ERBIN: variants seen among roughly 807,000 people sequenced by gnomAD.
ERBIN encodes densin-180-like protein.
In ERBIN, 60 loss-of-function variants were observed where a neutral mutation model predicts 158.4. The ratio of observed to expected loss-of-function variants is 0.38; its 90% CI spans 0.31 to 0.47. ERBIN has a LOEUF of 0.47. Among genes scored for constraint, ERBIN ranks in the 20% least tolerant of loss-of-function variants. The pLI is 0.99. For synonymous variants in ERBIN, 594 were observed against 557.2 expected, an observed-to-expected ratio of 1.07 and a Z score of -0.93; for missense variants, 1,610 against 1,648.0, an observed-to-expected ratio of 0.98 and a Z score of 0.40.
chr5:65,973,296 C>G (rs1487284283), intron 1 of ERBIN, among the ~76,000 whole-genome samples: 1 of 150,944 alleles, frequency 6.6e-6, no homozygotes, highest in Admixed American at 6.6e-5. Context: ...GAGATATACC[C>G]AATGTAAATG....
rs1451030667 is a variant in ERBIN at position 65,994,748 on chromosome 5, A to G, written c.191A>G (p.Gln64Arg). 1 of 1,562,358 alleles carries G rather than the reference A, an allele frequency of 6.4e-7. No homozygotes were observed. Among genetic ancestry groups the G allele is most frequent in the Non-Finnish European group, 8.7e-7 (1 of 1,152,346 alleles). ...DANQIEELPK[Q>R]LFNCQSLHKL... Reference sequence around the variant, plus strand: ...TTCTTTCCTCCCTTTTTTCAATAGCAACTTTTTAACTGTCAGTCTTTACAC... The same window carrying G: ...TTCTTTCCTCCCTTTTTTCAATAGCGACTTTTTAACTGTCAGTCTTTACAC... The change falls in exon 4 of 26, where the codon CAA (glutamine) becomes CGA (arginine). Residue 64 changes from glutamine (Q) to arginine (R), a missense_variant and splice_region_variant. Physicochemically the swap from Gln to Arg is conservative, Grantham distance 43. Around this residue, in one of 2 missense-constraint regions of ERBIN, gnomAD observed 596 missense variants for 711.9 expected, o/e 0.84. Coordinates refer to ENST00000284037, the MANE Select transcript of ERBIN (RefSeq NM_001253697.2).
Position 66,012,834 on chromosome 5 carries a change from G to A in ERBIN, c.386+707G>A, listed in dbSNP as rs1177527570. Reference sequence around the variant, plus strand: ...AAAAATAGAAGTAAAGCTAACACACGTAGGTTGTTACATGGCCCTAACGTC... The same window carrying A: ...AAAAATAGAAGTAAAGCTAACACACATAGGTTGTTACATGGCCCTAACGTC... On this transcript the variant is annotated intron_variant, in intron 5 of 25. Coordinates refer to ENST00000284037, the MANE Select transcript of ERBIN (RefSeq NM_001253697.2). Among the ~76,000 whole-genome samples the A allele has an allele frequency of 2.0e-5, 3 of 152,252 alleles. No individual in the cohort carries two copies. The South Asian group carries it at 6.2e-4, about 32-fold the overall frequency.
At chr5:66,071,397 C>A (rs941551952) in intron 21 of ERBIN, among the ~76,000 whole-genome samples, 4 of 151,948 alleles carry the variant, frequency 2.6e-5, no homozygotes, top group African/African-American at 9.7e-5. Flanking sequence ...AAGAAATATT[C>A]AGGGGTAATG....
intron 2 of ERBIN, among the ~76,000 whole-genome samples, chr5:65,989,941 C>A (rs769932265): frequency 3.9e-5 from 6 of 152,120 alleles, no homozygotes; most frequent in Non-Finnish European, 5.9e-5. Flanking sequence ...TTAAAATGAT[C>A]TCATAAGCAC....
In ERBIN at chr5:66,047,491, A is replaced by G. The variant is rs1243773832; in HGVS notation, c.1788+953A>G. Among the ~76,000 whole-genome samples, 5 of 152,204 alleles carry G rather than the reference A, an allele frequency of 3.3e-5. No homozygotes were observed. The South Asian group carries it at 6.2e-4, about 19-fold the overall frequency. On this transcript the variant is annotated intron_variant, in intron 18 of 25. Transcript: ENST00000284037. ...TTCATGAATGAAAAATGATTGCACC[A>G]TTTTATATTCCCTTCATACACTGCT...
Position 66,078,791 on chromosome 5 carries a change from T to C in ERBIN, c.*261T>C, listed in dbSNP as rs545326988. The C allele has an allele frequency of 7.5e-6, 3 of 400,294 alleles. No individual in the cohort carries two copies. In the South Asian group the frequency reaches 9.4e-5, roughly 13 times the overall value. The allele number at this position is 400,294 out of a possible 1,614,324, so 24.8% of individuals were successfully genotyped here. Reference sequence around the variant, plus strand: ...AATCAAGGCTACAAAAACAAACCTGTGTTGTTTTTGTATAGATTGTAGGTT... The same window carrying C: ...AATCAAGGCTACAAAAACAAACCTGCGTTGTTTTTGTATAGATTGTAGGTT... On this transcript the variant is annotated 3_prime_UTR_variant, in exon 26 of 26. Transcript: ENST00000284037.
At chr5:66,008,012 C>G (rs2151093190) in intron 4 of ERBIN, among the ~76,000 whole-genome samples, 1 of 152,306 alleles carries the variant, frequency 6.6e-6, no homozygotes, top group Admixed American at 6.5e-5. Flanking sequence ...AAAATTACTA[C>G]TATGTGTCTG....
intron 15 of ERBIN, among the ~76,000 whole-genome samples, chr5:66,042,308 T>C (rs1390779403): frequency 1.3e-5 from 2 of 152,110 alleles, no homozygotes; most frequent in African/African-American, 2.4e-5. Context: ...TTTTAAGCCT[T>C]ATGTATTTTT....
intron 23 of ERBIN, 69 bp from the exon 24 acceptor site, chr5:66,076,247 A>G: frequency 8.6e-7 from 1 of 1,160,092 alleles, no homozygotes; most frequent in Non-Finnish European, 1.3e-6. Context: ...TCAGTATTTA[A>G]ATATGGATGT....
chr5:66,047,142 T>C (rs1274591745), intron 18 of ERBIN, among the ~76,000 whole-genome samples: 1 of 152,084 alleles, frequency 6.6e-6, no homozygotes, highest in Non-Finnish European at 1.5e-5. Context: ...TTTATCCCCT[T>C]TGGCCCTAGG....
chr5:66,018,579 A>T (rs867276505), intron 7 of ERBIN, among the ~76,000 whole-genome samples: 789 of 37,784 alleles, frequency 0.021, 277 homozygotes, highest in African/African-American at 0.049. Context: ...ATATTATATA[A>T]TATATATTAT....
chr5:66,023,717 C>A (rs2151146548), intron 9 of ERBIN, among the ~76,000 whole-genome samples: 1 of 150,532 alleles, frequency 6.6e-6, no homozygotes, highest in Non-Finnish European at 1.5e-5. Context: ...GCTCTGTTGC[C>A]CAGGCTGGAG....
intron 1 of ERBIN, among the ~76,000 whole-genome samples, chr5:65,956,215 A>T (rs1580146366): frequency 6.6e-6 from 1 of 152,194 alleles, no homozygotes; most frequent in East Asian, 1.9e-4. Context: ...ATCTGGTGGT[A>T]GTTGGGGATT....
chr5:66,072,433 C>A, intron 22 of ERBIN, 142 bp downstream of exon 22: 1 of 808,172 alleles, frequency 1.2e-6, no homozygotes. Flanking sequence ...TTTAAAATAT[C>A]AGAAATACAA....
At chr5:66,029,665 C>T (rs544625934) in intron 14 of ERBIN, among the ~76,000 whole-genome samples, 34 of 152,216 alleles carry the variant, frequency 2.2e-4, no homozygotes, top group African/African-American at 5.8e-4. Context: ...AGTGCAGTGA[C>T]GTGACCTCAG....
At chr5:65,999,658 C>T (rs1752820127) in intron 4 of ERBIN, among the ~76,000 whole-genome samples, 1 of 152,160 alleles carries the variant, frequency 6.6e-6, no homozygotes, top group Non-Finnish European at 1.5e-5. Context: ...GAACAGTTTG[C>T]TCATGATTTT....
Position 66,054,215 on chromosome 5 carries a change from A to C in ERBIN, c.2897A>C (p.Gln966Pro). 1.2e-6 allele frequency: 2 copies of C among 1,614,148 alleles called. No individual in the cohort carries two copies. Among genetic ancestry groups the C allele is most frequent in the Non-Finnish European group, 1.7e-6 (2 of 1,180,022 alleles). ...NIIRGPTSGP[Q>P]SAPQIYGPPQ... is the part of the protein sequence containing the mutation. ...ATAAGAGGCCCCACAAGTGGCCCAC[A>C]ATCTGCACCTCAAATATATGGTCCT... Residue 966 changes from glutamine to proline, a missense_variant, in exon 21 of 26, where the codon CAA (glutamine) becomes CCA (proline). Transcript: ENST00000284037.
chr5:66,072,326 G>A lies in ERBIN; in HGVS notation c.3756+35G>A, dbSNP rs972401317. On this transcript the variant is annotated intron_variant, in intron 22 of 25. Coordinates refer to ENST00000284037, the MANE Select transcript of ERBIN (RefSeq NM_001253697.2). ...CGGGAAAACAAAATGTAGTATCTGT[G>A]AGCTTTCTATATTTTGCAGCTTTTG... 4.5e-6 allele frequency: 7 copies of A among 1,545,342 alleles called. No individual in the cohort carries two copies. The African/African-American group carries it at 9.6e-5, about 21-fold the overall frequency.
At chr5:65,952,328 T>C (rs1746606387) in intron 1 of ERBIN, among the ~76,000 whole-genome samples, 1 of 152,150 alleles carries the variant, frequency 6.6e-6, no homozygotes, top group African/African-American at 2.4e-5. Context: ...GGTTAAATAC[T>C]GTATTATACT....
Sources: allele counts gnomAD v4.1 joint callset (sites outside exome capture counted in the v4.1 genomes callset), GRCh38; gene constraint gnomAD v4.1.1; regional missense constraint gnomAD v4.1.1; transcripts MANE v1.5; gene names NCBI Gene and HGNC (gene_info 2026-07-23, HGNC 2026-07-21).